EFR3B: variants seen among roughly 807,000 people sequenced by gnomAD.
The protein encoded by EFR3B is protein EFR3 homolog B.
Under a neutral mutation model 104.7 loss-of-function variants are expected in EFR3B, and 64 were observed. The ratio of observed to expected loss-of-function variants is 0.61; its 90% CI spans 0.50 to 0.75. The LOEUF is 0.75. EFR3B is among the 30% of genes least tolerant of loss of function. The probability of loss-of-function intolerance (pLI) is 0.00; values close to 1 mark genes in which losing one functional copy is unlikely to be tolerated. For missense variants in EFR3B, 750 were observed against 1,078.5 expected (o/e 0.70, Z 4.27); for synonymous variants, 385 against 417.9 (o/e 0.92, Z 0.96).
intron 4 of EFR3B, among the ~76,000 whole-genome samples, chr2:25,117,394 C>T (rs942637773): frequency 6.6e-6 from 1 of 151,914 alleles, no homozygotes; most frequent in African/African-American, 2.4e-5. Flanking sequence ...CAGCCCCACC[C>T]TACCTGTCCC....
intron 1 of EFR3B, among the ~76,000 whole-genome samples, chr2:25,052,213 T>A (rs1253754139): frequency 6.6e-6 from 1 of 151,564 alleles, no homozygotes; most frequent in Non-Finnish European, 1.5e-5. Context: ...TAAAAATAAA[T>A]AAATAAATAA....
intron 1 of EFR3B, among the ~76,000 whole-genome samples, chr2:25,068,996 C>T (rs1313362784): frequency 1.3e-5 from 2 of 148,600 alleles, no homozygotes; most frequent in Non-Finnish European, 3.0e-5. Flanking sequence ...TGCAGTGGCG[C>T]GATCTTGGCT....
chr2:25,097,068 AT>A (rs1039309843), intron 3 of EFR3B, among the ~76,000 whole-genome samples: 1 of 152,234 alleles, frequency 6.6e-6, no homozygotes, highest in African/African-American at 2.4e-5. Context: ...TAGCTCCAAC[AT>A]TAAACATTTA....
chr2:25,099,272 G>A (rs1669366763), intron 3 of EFR3B, among the ~76,000 whole-genome samples: 1 of 152,040 alleles, frequency 6.6e-6, no homozygotes, highest in East Asian at 1.9e-4. Context: ...CAGGTTTCCT[G>A]GATGGTGATT....
chr2:25,120,989 C>T (rs370138870), intron 4 of EFR3B, among the ~76,000 whole-genome samples: 12 of 151,680 alleles, frequency 7.9e-5, no homozygotes, highest in South Asian at 6.3e-4. Context: ...ACAACCTCCA[C>T]CTCCCGGGTT....
intron 2 of EFR3B, among the ~76,000 whole-genome samples, chr2:25,092,443 C>CGGTATATATATACACACCCAT (rs1553390386): frequency 6.6e-6 from 1 of 150,702 alleles, no homozygotes; most frequent in Non-Finnish European, 1.5e-5. Context: ...CACACACACA[C>CGGTATATATATACACACCCAT]GGTATATATA....
intron 5 of EFR3B, among the ~76,000 whole-genome samples, chr2:25,127,517 A>G (rs1234023639): frequency 5.9e-5 from 9 of 152,172 alleles, no homozygotes; most frequent in Non-Finnish European, 1.0e-4. Flanking sequence ...ATACTTTTCT[A>G]TGATTAGTAT....
intron 5 of EFR3B, among the ~76,000 whole-genome samples, chr2:25,122,155 T>TG (rs1670033935): frequency 6.6e-6 from 1 of 151,950 alleles, no homozygotes; most frequent in Non-Finnish European, 1.5e-5. Flanking sequence ...TTAGTAGAGA[T>TG]GGGGTTTTAC....
chr2:25,075,406 C>A (rs1668607528), intron 1 of EFR3B, among the ~76,000 whole-genome samples: 1 of 152,152 alleles, frequency 6.6e-6, no homozygotes, highest in Non-Finnish European at 1.5e-5. Context: ...AAATAATAGG[C>A]ACTCAGGACA....
intron 1 of EFR3B, among the ~76,000 whole-genome samples, chr2:25,074,147 G>T (rs1233201343): frequency 6.6e-6 from 1 of 151,656 alleles, no homozygotes. Context: ...CCTGGTGTGG[G>T]GCTGGTTGGT....
At chr2:25,107,850 AT>A (rs1332141901) in intron 4 of EFR3B, among the ~76,000 whole-genome samples, 3 of 138,436 alleles carry the variant, frequency 2.2e-5, no homozygotes, top group Non-Finnish European at 3.2e-5. Flanking sequence ...TTTTTATTTT[AT>A]TTTTATTTTT....
At chr2:25,108,678 A>G (rs1237753946) in intron 4 of EFR3B, among the ~76,000 whole-genome samples, 1 of 152,198 alleles carries the variant, frequency 6.6e-6, no homozygotes, top group Non-Finnish European at 1.5e-5. Flanking sequence ...TTATAGAAAC[A>G]ACATAGATAA....
rs1436172644 is a variant in EFR3B at position 25,051,096 on chromosome 2, G to A, written c.7+8777G>A. Reference sequence around the variant, plus strand: ...AGGCTCCACCCCCCTTTGCAGTTGTGGATATGATTTCTCTTTTTTTTCTTC... The same window carrying A: ...AGGCTCCACCCCCCTTTGCAGTTGTAGATATGATTTCTCTTTTTTTTCTTC... On this transcript the variant is annotated intron_variant, in intron 1 of 22. Transcript: ENST00000403714. Among the ~76,000 whole-genome samples the A allele has an allele frequency of 2.0e-5, 3 of 151,950 alleles. No homozygotes were observed. In the East Asian group the frequency reaches 5.8e-4, roughly 29 times the overall value.
chr2:25,113,206 C>T (rs1231138993), intron 4 of EFR3B, among the ~76,000 whole-genome samples: 1 of 152,084 alleles, frequency 6.6e-6, no homozygotes, highest in Non-Finnish European at 1.5e-5. Flanking sequence ...CGACTTTCCT[C>T]ATCATTGCTA....
intron 1 of EFR3B, among the ~76,000 whole-genome samples, chr2:25,087,203 TC>T (rs1668976783): frequency 6.6e-6 from 1 of 151,910 alleles, no homozygotes; most frequent in Non-Finnish European, 1.5e-5. Flanking sequence ...AGGGTAACTG[TC>T]CCCATGATTA....
intron 5 of EFR3B, among the ~76,000 whole-genome samples, chr2:25,127,553 G>A (rs930354069): frequency 2.6e-5 from 4 of 152,072 alleles, no homozygotes; most frequent in Non-Finnish European, 4.4e-5. Context: ...CAGAAAAAAG[G>A]TTTTATAAAA....
intron 19 of EFR3B, among the ~76,000 whole-genome samples, chr2:25,148,611 G>A (rs1217844205): frequency 1.3e-5 from 2 of 150,838 alleles, no homozygotes; most frequent in East Asian, 4.0e-4. Flanking sequence ...CGCATTGGTG[G>A]GTAATTTAAT....
At chr2:25,112,488 A>G (rs1433417100) in intron 4 of EFR3B, among the ~76,000 whole-genome samples, 8 of 152,224 alleles carry the variant, frequency 5.3e-5, no homozygotes, top group Admixed American at 5.2e-4. Context: ...GGGAATTACT[A>G]TGCCTTGGCT....
chr2:25,108,734 T>C (rs1300929539), intron 4 of EFR3B, among the ~76,000 whole-genome samples: 1 of 152,194 alleles, frequency 6.6e-6, no homozygotes, highest in Middle Eastern at 3.2e-3. Flanking sequence ...CACAGTGGCT[T>C]ATTCTTATAA....
Sources: allele counts gnomAD v4.1 joint callset (sites outside exome capture counted in the v4.1 genomes callset), GRCh38; gene constraint gnomAD v4.1.1; transcripts MANE v1.5; gene names NCBI Gene and HGNC (gene_info 2026-07-23, HGNC 2026-07-21).